The following RABGAP1L variants were observed in gnomAD, a reference collection of about 807,000 sequenced individuals.
The protein encoded by RABGAP1L is RAB GTPase activating protein 1 like.
A neutral mutation model predicts 137.7 loss-of-function variants in RABGAP1L; 63 were observed. That is an observed-to-expected ratio of 0.46 (90% CI 0.37 to 0.56). The LOEUF (loss-of-function observed/expected upper bound fraction) is 0.56. Ranked by LOEUF, RABGAP1L falls within the 20% of genes least tolerant of loss-of-function variation. The pLI, the probability that RABGAP1L is intolerant of heterozygous loss-of-function variation, is 0.00. For missense variants in RABGAP1L, 1,095 were observed against 1,244.0 expected, an observed-to-expected ratio of 0.88 and a Z score of 1.80; for synonymous variants, 431 against 433.7, an observed-to-expected ratio of 0.99 and a Z score of 0.08.
intron 13 of RABGAP1L, among the ~76,000 whole-genome samples, chr1:174,406,350 T>C (rs1164925673): frequency 1.3e-5 from 2 of 152,196 alleles, no homozygotes; most frequent in Non-Finnish European, 2.9e-5. Context: ...ATCCTTCAAA[T>C]GTGTTTAATA....
At chr1:174,434,195 T>A (rs759888393) in intron 13 of RABGAP1L, among the ~76,000 whole-genome samples, 23 of 150,804 alleles carry the variant, frequency 1.5e-4, no homozygotes, top group Non-Finnish European at 2.8e-4. Flanking sequence ...TCAGCAAAAA[T>A]TAGTTTTTCC....
chr1:174,486,260 A>G (rs1336141921), intron 13 of RABGAP1L, among the ~76,000 whole-genome samples: 6 of 125,622 alleles, frequency 4.8e-5, no homozygotes, highest in Admixed American at 7.8e-5. Flanking sequence ...ATGTTTGTCA[A>G]TTTTGTTTAA....
chr1:174,250,712 A>G, intron 6 of RABGAP1L, 80 bp downstream of exon 6: 2 of 1,317,598 alleles, frequency 1.5e-6, no homozygotes, highest in Non-Finnish European at 1.0e-6. Context: ...AAGAAACTAT[A>G]CAGTGTTGGC....
At chr1:174,256,610 G>A (rs927171806) in intron 7 of RABGAP1L, among the ~76,000 whole-genome samples, 7 of 152,002 alleles carry the variant, frequency 4.6e-5, no homozygotes, top group Admixed American at 2.0e-4. Context: ...GTGAAACCCC[G>A]TCTCTACTAA....
At chr1:174,793,079 C>T (rs1020915278) in intron 18 of RABGAP1L, among the ~76,000 whole-genome samples, 8 of 151,890 alleles carry the variant, frequency 5.3e-5, no homozygotes, top group Non-Finnish European at 1.2e-4. Flanking sequence ...TTGCAGTGAG[C>T]CAAGATTATG....
chr1:174,927,677 G>T (rs1040252893), intron 19 of RABGAP1L, among the ~76,000 whole-genome samples: 2 of 152,156 alleles, frequency 1.3e-5, no homozygotes, highest in Non-Finnish European at 2.9e-5. Flanking sequence ...TTGGCATCCC[G>T]AGTAGCTAGG....
At chr1:174,607,778 A>C (rs1255488097) in intron 13 of RABGAP1L, among the ~76,000 whole-genome samples, 1 of 152,194 alleles carries the variant, frequency 6.6e-6, no homozygotes, top group African/African-American at 2.4e-5. Context: ...CTCTTCATAA[A>C]GCATTTTAGC....
chr1:174,875,389 ACT>A (rs1368803001), intron 19 of RABGAP1L: 1 of 239,928 alleles, frequency 4.2e-6, no homozygotes, highest in Non-Finnish European at 6.7e-6. Flanking sequence ...CGCTGAATGC[ACT>A]CTCCCAGGGT....
intron 14 of RABGAP1L, among the ~76,000 whole-genome samples, chr1:174,657,475 C>T (rs529099578): frequency 3.4e-4 from 52 of 152,268 alleles, no homozygotes; most frequent in African/African-American, 1.2e-3. Context: ...TTAGCTTCTG[C>T]ATATGAATGA....
chr1:174,737,272 T>C (rs1373645679), intron 17 of RABGAP1L, among the ~76,000 whole-genome samples: 1 of 152,188 alleles, frequency 6.6e-6, no homozygotes, highest in Non-Finnish European at 1.5e-5. Context: ...TAGAACACTT[T>C]GCTGCTTAGA....
intron 19 of RABGAP1L, among the ~76,000 whole-genome samples, chr1:174,824,237 C>T (rs1291609971): frequency 1.3e-5 from 2 of 152,124 alleles, no homozygotes; most frequent in Non-Finnish European, 2.9e-5. Context: ...TTGCAGTGAG[C>T]TGAGTTCGCT....
intron 10 of RABGAP1L, among the ~76,000 whole-genome samples, chr1:174,287,099 G>C (rs1323780724): frequency 2.6e-5 from 4 of 152,036 alleles, no homozygotes; most frequent in African/African-American, 9.7e-5. Flanking sequence ...TTTTCTGCCT[G>C]CATGATCTAT....
intron 1 of RABGAP1L, among the ~76,000 whole-genome samples, chr1:174,201,637 G>A (rs924804125): frequency 6.7e-6 from 1 of 149,620 alleles, no homozygotes; most frequent in African/African-American, 2.4e-5. Context: ...TGCTATTATT[G>A]CTTGGCTTTT....
At chr1:174,985,474 C>T (rs1415826483) in intron 24 of RABGAP1L, among the ~76,000 whole-genome samples, 1 of 152,188 alleles carries the variant, frequency 6.6e-6, no homozygotes, top group African/African-American at 2.4e-5. Flanking sequence ...ATCAAGGTTA[C>T]ACAGCTAGTA....
chr1:174,612,326 A>C (rs1051231164), intron 13 of RABGAP1L, among the ~76,000 whole-genome samples: 4 of 152,066 alleles, frequency 2.6e-5, no homozygotes, highest in Non-Finnish European at 2.9e-5. Flanking sequence ...TGTGATTTTT[A>C]TCTTTGGTTC....
chr1:174,885,987 G>A (rs1347265180), intron 19 of RABGAP1L, among the ~76,000 whole-genome samples: 1 of 149,786 alleles, frequency 6.7e-6, no homozygotes, highest in Non-Finnish European at 1.5e-5. Context: ...AAAACAAAAC[G>A]ATGATTAAAT....
At chr1:174,755,918 A>G (rs1372337038) in intron 18 of RABGAP1L, among the ~76,000 whole-genome samples, 3 of 152,226 alleles carry the variant, frequency 2.0e-5, no homozygotes, top group African/African-American at 4.8e-5. Flanking sequence ...CATTGGAGTC[A>G]GACTACTTAA....
intron 19 of RABGAP1L, among the ~76,000 whole-genome samples, chr1:174,840,702 G>C (rs1183743437): frequency 6.6e-6 from 1 of 151,022 alleles, no homozygotes; most frequent in Non-Finnish European, 1.5e-5. Flanking sequence ...TGTAATCCCA[G>C]CTACTTGGGA....
chr1:174,622,169 G>T (rs12069689), intron 13 of RABGAP1L, among the ~76,000 whole-genome samples: 1 of 151,968 alleles, frequency 6.6e-6, no homozygotes, highest in Non-Finnish European at 1.5e-5. Flanking sequence ...ATCTCACACC[G>T]GTTAGAATGG....
Sources: allele counts gnomAD v4.1 joint callset (sites outside exome capture counted in the v4.1 genomes callset), GRCh38; gene constraint gnomAD v4.1.1; transcripts MANE v1.5; gene names NCBI Gene and HGNC (gene_info 2026-07-23, HGNC 2026-07-21).